PKIG: variants seen among roughly 807,000 people sequenced by gnomAD.
PKIG encodes cAMP-dependent protein kinase inhibitor gamma, also known as protein kinase (cAMP-dependent, catalytic) inhibitor gamma.
PKIG carries 1 observed loss-of-function variant against 6.8 expected under a neutral mutation model. The observed-to-expected ratio is 0.15, with a 90% confidence interval of 0.05 to 0.69. PKIG has a LOEUF of 0.69. Among genes scored for constraint, PKIG ranks in the 30% least tolerant of loss-of-function variants. The pLI is 0.82. For synonymous variants in PKIG, 39 were observed against 43.0 expected (o/e 0.91, Z 0.36); for missense variants, 77 against 104.0 (o/e 0.74, Z 1.13).
chr20:44,614,341 T>C lies in PKIG; in HGVS notation c.-23-193T>C. ...GAGCCCATGTTCTTTAAAATGTTGATGGTGGTTGTCTGGGTGTGGAATTAT... is the reference window on the plus strand; with the variant it reads ...GAGCCCATGTTCTTTAAAATGTTGACGGTGGTTGTCTGGGTGTGGAATTAT... On this transcript the variant is annotated intron_variant, in intron 2 of 3. Transcript: ENST00000372886. This position sits in a 1 kb window ranked among gnomAD's most constrained non-coding sequence, Gnocchi z 4.6. 2.0e-6 allele frequency: 1 copy of C among 505,888 alleles called. No individual in the cohort carries two copies. Among genetic ancestry groups the C allele is most frequent in the Non-Finnish European group, 3.5e-6 (1 of 284,876 alleles). The allele number at this position is 505,888 out of a possible 1,614,324, so 31.3% of individuals were successfully genotyped here. A position where few individuals can be genotyped will look rare whatever the true frequency, so the allele number is the denominator to read the frequency against.
chr20:44,597,719 C>T (rs768568523), intron 2 of PKIG, among the ~76,000 whole-genome samples: 16 of 152,100 alleles, frequency 1.1e-4, no homozygotes, highest in African/African-American at 3.1e-4. Context: ...CCTCCTGCTG[C>T]GGATGTATGA....
intron 2 of PKIG, among the ~76,000 whole-genome samples, chr20:44,594,772 C>G (rs1366928295): frequency 2.0e-5 from 3 of 152,282 alleles, no homozygotes; most frequent in African/African-American, 7.2e-5. Context: ...GGATTTCCAG[C>G]TCCTTTGAAT....
At chr20:44,603,643 C>T (rs762442327) in intron 2 of PKIG, among the ~76,000 whole-genome samples, 5 of 152,170 alleles carry the variant, frequency 3.3e-5, no homozygotes, top group South Asian at 2.1e-4. Context: ...TCTGAGCCTC[C>T]GTTTCCGCAG....
chr20:44,536,355 A>G (rs932263164), intron 1 of PKIG, among the ~76,000 whole-genome samples: 3 of 152,134 alleles, frequency 2.0e-5, no homozygotes, highest in African/African-American at 7.2e-5. Context: ...TTCCTTTTTT[A>G]TGAGCATGAA....
intron 1 of PKIG, among the ~76,000 whole-genome samples, chr20:44,564,793 C>T (rs1277203447): frequency 6.6e-6 from 1 of 152,188 alleles, no homozygotes. Context: ...CTGTAACTTT[C>T]TATAACACTC....
intron 2 of PKIG, chr20:44,598,753 C>G (rs912518755): frequency 2.6e-5 from 4 of 152,162 alleles, no homozygotes; most frequent in Non-Finnish European, 4.4e-5. Context: ...TGGACTGTTC[C>G]GCAGCTTTCC....
chr20:44,595,556 C>T (rs1009330172), intron 2 of PKIG, among the ~76,000 whole-genome samples: 1 of 152,052 alleles, frequency 6.6e-6, no homozygotes, highest in Non-Finnish European at 1.5e-5. Flanking sequence ...CTGTGTTGCC[C>T]AGGCAGGGGT....
chr20:44,593,693 T>C (rs2065053047), intron 2 of PKIG, among the ~76,000 whole-genome samples: 1 of 152,180 alleles, frequency 6.6e-6, no homozygotes, highest in African/African-American at 2.4e-5. Context: ...TACAGCATGG[T>C]AATTACAGTT....
intron 1 of PKIG, among the ~76,000 whole-genome samples, chr20:44,553,447 A>ATTAT (rs1353438019): frequency 3.9e-5 from 6 of 152,142 alleles, no homozygotes; most frequent in Non-Finnish European, 1.5e-5. Flanking sequence ...CTCTTCTGAG[A>ATTAT]TAGGAAACCC....
chr20:44,592,909 T>C (rs1400904980), intron 2 of PKIG, among the ~76,000 whole-genome samples: 1 of 152,184 alleles, frequency 6.6e-6, no homozygotes, highest in African/African-American at 2.4e-5. Flanking sequence ...TCCATTCCTA[T>C]CAAAATTCCA....
intron 2 of PKIG, among the ~76,000 whole-genome samples, chr20:44,601,050 G>A (rs1269743055): frequency 6.6e-6 from 1 of 152,182 alleles, no homozygotes; most frequent in Non-Finnish European, 1.5e-5. Flanking sequence ...GCAGGTGCCT[G>A]TGCAGACTGG....
At chr20:44,597,545 C>T (rs1295262828) in intron 2 of PKIG, among the ~76,000 whole-genome samples, 3 of 152,120 alleles carry the variant, frequency 2.0e-5, no homozygotes, top group African/African-American at 4.8e-5. Flanking sequence ...TCATTCTCCA[C>T]GGTGTATTTT....
chr20:44,607,643 A>G (rs1476793578), intron 2 of PKIG, among the ~76,000 whole-genome samples: 2 of 148,854 alleles, frequency 1.3e-5, no homozygotes, highest in Non-Finnish European at 3.0e-5. Flanking sequence ...TCCCAAAGCC[A>G]AGACACATTT....
chr20:44,617,197 T>C (rs1368055690), intron 3 of PKIG, among the ~76,000 whole-genome samples: 1 of 152,114 alleles, frequency 6.6e-6, no homozygotes, highest in Non-Finnish European at 1.5e-5. Context: ...ATTCTCCTGG[T>C]TCTGTGAAGG....
chr20:44,539,314 A>G (rs1191821841), intron 1 of PKIG, among the ~76,000 whole-genome samples: 1 of 152,054 alleles, frequency 6.6e-6, no homozygotes, highest in African/African-American at 2.4e-5. Flanking sequence ...ATTAGACCTG[A>G]TTGATGATCT....
chr20:44,544,659 C>G (rs1433748652), intron 1 of PKIG, among the ~76,000 whole-genome samples: 1 of 152,190 alleles, frequency 6.6e-6, no homozygotes, highest in Non-Finnish European at 1.5e-5. Flanking sequence ...CCACCATGTT[C>G]AGTTTACATC....
intron 3 of PKIG, among the ~76,000 whole-genome samples, chr20:44,615,572 T>C (rs971725090): frequency 6.6e-6 from 1 of 151,582 alleles, no homozygotes; most frequent in Non-Finnish European, 1.5e-5. Flanking sequence ...GCCTGGGAAT[T>C]TCCTTGGGAA....
At position 44,614,843 on chromosome 20, in the gene PKIG, A is replaced by G; in HGVS notation, c.151+136A>G. On this transcript the variant is annotated intron_variant, in intron 3 of 3. Transcript: ENST00000372886. This position sits in a 1 kb window ranked among gnomAD's most constrained non-coding sequence, Gnocchi z 4.6. ...TTTAAGTCAGGCCTGCCCCATGGTCAGTGGCAGAGTCCAGCAATCTCTAGG... is the reference window on the plus strand; with the variant it reads ...TTTAAGTCAGGCCTGCCCCATGGTCGGTGGCAGAGTCCAGCAATCTCTAGG... 1.2e-6 allele frequency: 1 copy of G among 836,098 alleles called. No individual in the cohort carries two copies. The highest frequency in any genetic ancestry group is 1.8e-6 in the Non-Finnish European group (1 of 545,944). The allele number at this position is 836,098 out of a possible 1,614,324, so 51.8% of individuals were successfully genotyped here. A position where few individuals can be genotyped will look rare whatever the true frequency, so the allele number is the denominator to read the frequency against.
chr20:44,607,473 T>A (rs2065176063), intron 2 of PKIG, among the ~76,000 whole-genome samples: 1 of 146,048 alleles, frequency 6.8e-6, no homozygotes, highest in Non-Finnish European at 1.5e-5. Context: ...GCCTCTCGGG[T>A]TCGAGCAATT....
Sources: allele counts gnomAD v4.1 joint callset (sites outside exome capture counted in the v4.1 genomes callset), GRCh38; gene constraint gnomAD v4.1.1; non-coding constraint Gnocchi (gnomAD v3.1); transcripts MANE v1.5; gene names NCBI Gene and HGNC (gene_info 2026-07-23, HGNC 2026-07-21).